Variants in DIAPH3 observed in about 807,000 individuals in gnomAD.
DIAPH3 encodes protein diaphanous homolog 3.
A neutral mutation model predicts 144.3 loss-of-function variants in DIAPH3; 117 were observed. That is an observed-to-expected ratio of 0.81 (90% CI 0.70 to 0.95). The LOEUF is 0.95. Among genes scored for constraint, DIAPH3 ranks in the 40% least tolerant of loss-of-function variants. The pLI is 0.00. For synonymous variants in DIAPH3, 519 were observed against 488.9 expected (o/e 1.06, Z -0.81); for missense variants, 1,421 against 1,412.7 (o/e 1.01, Z -0.09).
intron 2 of DIAPH3, among the ~76,000 whole-genome samples, chr13:60,132,227 T>C: frequency 6.6e-6 from 1 of 152,212 alleles, no homozygotes; most frequent in South Asian, 2.1e-4. Flanking sequence ...AGAAGTACTA[T>C]TTTCTAAGTG....
At chr13:59,917,889 CAAAAAAAAAAAAAAA>C (rs60792156) in intron 18 of DIAPH3, among the ~76,000 whole-genome samples, 2 of 18,642 alleles carry the variant, frequency 1.1e-4, no homozygotes, top group Non-Finnish European at 2.2e-4. Context: ...GACTCTGTCT[CAAAAAAAAAAAAAAA>C]AAAAAAAAAA....
At chr13:60,103,921 T>C (rs1344644574) in intron 3 of DIAPH3, among the ~76,000 whole-genome samples, 1 of 152,202 alleles carries the variant, frequency 6.6e-6, no homozygotes, top group Non-Finnish European at 1.5e-5. Context: ...GGTCAAGCTT[T>C]TCATTACACT....
intron 22 of DIAPH3, among the ~76,000 whole-genome samples, chr13:59,840,932 ATTC>A (rs1238755138): frequency 7.0e-5 from 10 of 143,104 alleles, no homozygotes; most frequent in Admixed American, 5.1e-4. Flanking sequence ...AGAATCACAT[ATTC>A]TTACCTTTTT....
intron 20 of DIAPH3, among the ~76,000 whole-genome samples, chr13:59,883,851 T>G (rs1281741979): frequency 1.3e-5 from 2 of 152,170 alleles, no homozygotes; most frequent in Non-Finnish European, 2.9e-5. Flanking sequence ...CACCCTGCAA[T>G]GAGCTCTGCC....
chr13:59,771,591 G>A (rs953452147), intron 27 of DIAPH3, among the ~76,000 whole-genome samples: 6 of 152,018 alleles, frequency 3.9e-5, no homozygotes, highest in African/African-American at 1.2e-4. Context: ...ATGCATATAA[G>A]TCACCAGCTC....
intron 27 of DIAPH3, among the ~76,000 whole-genome samples, chr13:59,712,721 C>A (rs2138841426): frequency 6.6e-6 from 1 of 152,310 alleles, no homozygotes; most frequent in African/African-American, 2.4e-5. Context: ...AACTACCACA[C>A]TTACAGTTAC....
intron 22 of DIAPH3, among the ~76,000 whole-genome samples, chr13:59,851,805 A>C (rs2042989885): frequency 6.6e-6 from 1 of 152,054 alleles, no homozygotes; most frequent in Non-Finnish European, 1.5e-5. Flanking sequence ...TTTTTAGTAG[A>C]GACGGGGTTT....
intron 4 of DIAPH3, among the ~76,000 whole-genome samples, chr13:60,050,033 C>A (rs1364920137): frequency 6.6e-6 from 1 of 152,060 alleles, no homozygotes; most frequent in Admixed American, 6.6e-5. Flanking sequence ...CTACAAAAAA[C>A]ATTTTTCTTA....
chr13:59,719,287 A>G (rs1219852198), intron 27 of DIAPH3, among the ~76,000 whole-genome samples: 1 of 152,248 alleles, frequency 6.6e-6, no homozygotes, highest in Non-Finnish European at 1.5e-5. Flanking sequence ...TAATGAAGAG[A>G]GCCACATTTT....
At chr13:60,108,706 G>T (rs2058487013) in intron 3 of DIAPH3, among the ~76,000 whole-genome samples, 1 of 152,122 alleles carries the variant, frequency 6.6e-6, no homozygotes, top group South Asian at 2.1e-4. Flanking sequence ...TAGATAAGAG[G>T]TCATGAAAGC....
intron 27 of DIAPH3, among the ~76,000 whole-genome samples, chr13:59,712,523 A>T (rs780957469): frequency 1.3e-5 from 2 of 152,168 alleles, no homozygotes; most frequent in Non-Finnish European, 2.9e-5. Flanking sequence ...CCTCTGACCT[A>T]GTCTCCAGCC....
intron 27 of DIAPH3, among the ~76,000 whole-genome samples, chr13:59,697,880 G>C (rs1403444004): frequency 6.6e-6 from 1 of 152,180 alleles, no homozygotes; most frequent in Non-Finnish European, 1.5e-5. Flanking sequence ...GTATTTCCCA[G>C]AAAAGGGTTA....
At position 60,015,893 on chromosome 13, in the gene DIAPH3, C is replaced by T; in HGVS notation, c.771+20G>A. 1 of 1,591,886 alleles carries T rather than the reference C, an allele frequency of 6.3e-7. No homozygotes were observed. Reference sequence around the variant, plus strand: ...TTACAAAATTGGTGACGGACAAATACTAATTACGTATGTACATACCTGCGT... The same window carrying T: ...TTACAAAATTGGTGACGGACAAATATTAATTACGTATGTACATACCTGCGT... On this transcript the variant is annotated intron_variant, in intron 7 of 27. Coordinates refer to ENST00000400324, the MANE Select transcript of DIAPH3 (RefSeq NM_001042517.2).
intron 25 of DIAPH3, among the ~76,000 whole-genome samples, chr13:59,777,684 A>T (rs1269756553): frequency 6.6e-6 from 1 of 152,210 alleles, no homozygotes; most frequent in Non-Finnish European, 1.5e-5. Flanking sequence ...AAAAATATTT[A>T]ACTTGAATCT....
chr13:59,799,374 T>TGCAC (rs1555300863), intron 25 of DIAPH3, among the ~76,000 whole-genome samples: 2 of 107,270 alleles, frequency 1.9e-5, no homozygotes, highest in African/African-American at 7.6e-5. Context: ...ACTGGAAATA[T>TGCAC]GCACACACAC....
chr13:60,056,737 G>A (rs1027635229), intron 4 of DIAPH3, among the ~76,000 whole-genome samples: 4 of 151,766 alleles, frequency 2.6e-5, no homozygotes, highest in African/African-American at 9.7e-5. Flanking sequence ...GACAAAAAAG[G>A]ACAAAGGAAC....
chr13:59,940,000 T>C (rs2048448641), intron 17 of DIAPH3, among the ~76,000 whole-genome samples: 2 of 152,108 alleles, frequency 1.3e-5, no homozygotes, highest in Non-Finnish European at 2.9e-5. Flanking sequence ...AATACTTTCA[T>C]CCCCTTGCCA....
chr13:60,065,223 A>G (rs1490025935), intron 4 of DIAPH3, among the ~76,000 whole-genome samples: 7 of 150,498 alleles, frequency 4.7e-5, no homozygotes, highest in African/African-American at 9.8e-5. Flanking sequence ...GGTTTGCTCA[A>G]TGCAGGGTTT....
chr13:59,818,484 A>ATT (rs556831683), intron 24 of DIAPH3, among the ~76,000 whole-genome samples: 1 of 147,756 alleles, frequency 6.8e-6, no homozygotes, highest in Admixed American at 6.7e-5. Flanking sequence ...TCTGGCTGCA[A>ATT]TTTTTTTTTT....
Sources: gnomAD v4.1 joint callset for allele counts (sites outside exome capture counted in the v4.1 genomes callset) on GRCh38, gnomAD v4.1.1 for gene constraint, MANE v1.5 for transcripts, NCBI Gene and HGNC (gene_info 2026-07-23, HGNC 2026-07-21) for gene names.